The following RBM17 variants were observed in gnomAD, a reference collection of about 807,000 sequenced individuals.
RBM17 encodes splicing factor 45.
Under a neutral mutation model 53.2 loss-of-function variants are expected in RBM17, and 7 were observed. The observed-to-expected ratio is 0.13, with a 90% CI of 0.07 to 0.25. The LOEUF is 0.25. RBM17 is among the 10% of genes least tolerant of loss of function. RBM17 has a pLI of 1.00. For synonymous variants in RBM17, 167 were observed against 178.1 expected, an observed-to-expected ratio of 0.94 and a Z score of 0.50; for missense variants, 257 against 496.7, an observed-to-expected ratio of 0.52 and a Z score of 4.59.
chr10:6,108,649 G>A (rs920492938), intron 5 of RBM17, 37 bp from the exon 6 acceptor site: 7 of 1,585,014 alleles, frequency 4.4e-6, no homozygotes, highest in Non-Finnish European at 6.1e-6. Context: ...TCTGGCATCG[G>A]AAACCTCCTT....
chr10:6,109,922 C>A, intron 6 of RBM17, 64 bp from the exon 7 acceptor site: 2 of 1,310,462 alleles, frequency 1.5e-6, no homozygotes, highest in South Asian at 1.7e-5. Flanking sequence ...ATAATTGATA[C>A]AAGTGAGGTT....
At chr10:6,096,372 G>C (rs1406770620) in intron 1 of RBM17, among the ~76,000 whole-genome samples, 1 of 152,170 alleles carries the variant, frequency 6.6e-6, no homozygotes, top group East Asian at 1.9e-4. Flanking sequence ...CTTTGCGCCT[G>C]CTGACTCGGT....
intron 2 of RBM17, among the ~76,000 whole-genome samples, chr10:6,098,556 G>GTTTTTTTTTTTTTTTTTTTTTTTT (rs1221504658): frequency 1.0e-4 from 9 of 87,978 alleles, no homozygotes; most frequent in African/African-American, 2.4e-4. Flanking sequence ...TAATACACAG[G>GTTTTTTTTTTTTTTTTTTTTTTTT]TTTTTTGTTT....
In RBM17 at chr10:6,091,971, C is replaced by T. The variant is rs182558439; in HGVS notation, c.-19+2778C>T. Among the ~76,000 whole-genome samples the T allele has an allele frequency of 5.3e-5, 8 of 152,226 alleles. No individual in the cohort carries two copies. The East Asian group carries it at 1.5e-3, about 29-fold the overall frequency. On this transcript the variant is annotated intron_variant, in intron 1 of 11. Coordinates refer to ENST00000379888, the MANE Select transcript of RBM17 (RefSeq NM_032905.5). ...TCCATGTTCTTTTTCCTGCCAGTTGCACATGTTTTAAAAAAATACTTTCCA... is the reference window on the plus strand; with the variant it reads ...TCCATGTTCTTTTTCCTGCCAGTTGTACATGTTTTAAAAAAATACTTTCCA...
chr10:6,096,441 C>T (rs1840576073), intron 1 of RBM17, among the ~76,000 whole-genome samples: 1 of 152,158 alleles, frequency 6.6e-6, no homozygotes, highest in Admixed American at 6.5e-5. Flanking sequence ...CGTTCACATG[C>T]AGATTGTTGA....
intron 1 of RBM17, among the ~76,000 whole-genome samples, chr10:6,096,046 A>T (rs1398181374): frequency 6.6e-6 from 1 of 152,244 alleles, no homozygotes; most frequent in East Asian, 1.9e-4. Flanking sequence ...TTATTTGTCC[A>T]TAAACTGGGA....
intron 1 of RBM17, among the ~76,000 whole-genome samples, chr10:6,093,073 A>G (rs1262005691): frequency 6.6e-6 from 1 of 152,244 alleles, no homozygotes. Context: ...GAGATCTAGT[A>G]CACTGCTAGA....
At position 6,112,627 on chromosome 10, in the gene RBM17, A is replaced by C. The variant is rs1038525646; in HGVS notation, c.856+266A>C. On this transcript the variant is annotated intron_variant, in intron 8 of 11. Coordinates refer to ENST00000379888, the MANE Select transcript of RBM17 (RefSeq NM_032905.5). The surrounding 1 kb of genome is among the most constrained non-coding windows in gnomAD (Gnocchi z 4.4). ...GAGATGAAGGCTTGTGGAGGAAAAGATGGTGAGAGACTTGGGCAGAAAATG... is the reference window on the plus strand; with the variant it reads ...GAGATGAAGGCTTGTGGAGGAAAAGCTGGTGAGAGACTTGGGCAGAAAATG... 2 of 468,808 alleles carry C rather than the reference A, an allele frequency of 4.3e-6. No homozygotes were observed. Among genetic ancestry groups the C allele is most frequent in the Admixed American group, 6.8e-5 (2 of 29,612 alleles). The allele number at this position is 468,808 out of a possible 1,614,324, so 29.0% of individuals were successfully genotyped here.
At chr10:6,114,532 CAGT>C (rs140405289) in intron 10 of RBM17, 5,027 of 169,936 alleles carry the variant, frequency 0.03, 209 homozygotes, top group Admixed American at 0.11. Context: ...TCTGTACTCT[CAGT>C]GGTGTGTTCA....
rs1181047055 is a variant in RBM17 at position 6,106,185 on chromosome 10, C to A, written c.452C>A (p.Pro151Gln). Reference sequence around the variant, plus strand: ...GAAGCAAGTGGGTTTGCAAGGAGACCAGATCCAGATTCTGATGAAGATGAA... The same window carrying A: ...GAAGCAAGTGGGTTTGCAAGGAGACAAGATCCAGATTCTGATGAAGATGAA... ...RHEASGFARRPDPDSDEDEDY... is the reference protein window; with the variant it reads ...RHEASGFARRQDPDSDEDEDY... Residue 151 changes from proline (P) to glutamine (Q), a missense_variant, in exon 5 of 12, where the codon CCA becomes CAA. This residue lies in a region of RBM17 where 127 missense variants were observed against 217.2 expected (regional missense o/e 0.58). Coordinates refer to ENST00000379888, the MANE Select transcript of RBM17 (RefSeq NM_032905.5). The A allele has an allele frequency of 6.2e-7, 1 of 1,613,718 alleles. No individual in the cohort carries two copies. The highest frequency in any genetic ancestry group is 1.7e-5 in the Admixed American group (1 of 60,006).
Position 6,115,783 on chromosome 10 carries a change from T to C in RBM17, c.*227T>C. ...CTGTGTGCCTCTCTGGTTGTTTCTC[T>C]TTTTTATTATTACTCCTGAGTTGAT... On this transcript the variant is annotated 3_prime_UTR_variant, in exon 12 of 12. Coordinates refer to ENST00000379888, the MANE Select transcript of RBM17 (RefSeq NM_032905.5). 1 of 362,736 alleles carries C rather than the reference T, an allele frequency of 2.8e-6. No individual in the cohort carries two copies. The highest frequency in any genetic ancestry group is 4.9e-6 in the Non-Finnish European group (1 of 203,930). The allele number at this position is 362,736 out of a possible 1,614,324, so 22.5% of individuals were successfully genotyped here.
intron 8 of RBM17, chr10:6,113,102 G>C (rs1001256740): frequency 5.4e-6 from 1 of 184,722 alleles, no homozygotes; most frequent in Non-Finnish European, 1.1e-5. Context: ...GTCCCGACTT[G>C]TGAGGTTATC....
intron 2 of RBM17, among the ~76,000 whole-genome samples, chr10:6,100,480 C>T (rs1840654388): frequency 6.6e-6 from 1 of 152,054 alleles, no homozygotes; most frequent in African/African-American, 2.4e-5. Context: ...GAGGAACAAG[C>T]TCAACTAAAT....
chr10:6,115,167 T>C, intron 10 of RBM17, 72 bp from the exon 11 acceptor site: 3 of 1,164,176 alleles, frequency 2.6e-6, no homozygotes, highest in Non-Finnish European at 3.7e-6. Context: ...CTCTGAGAAA[T>C]CATTTAAAAG....
Position 6,110,009 on chromosome 10 carries a change from G to C in RBM17, c.586G>C (p.Glu196Gln). The C allele has an allele frequency of 6.2e-7, 1 of 1,609,120 alleles. No individual in the cohort carries two copies. The highest frequency in any genetic ancestry group is 8.5e-7 in the Non-Finnish European group (1 of 1,177,264). ...AGTACCCCGAGATTTTCCTTATGAAGAGGACTCAAGACCTCGATCACAGTC... is the reference window on the plus strand; with the variant it reads ...AGTACCCCGAGATTTTCCTTATGAACAGGACTCAAGACCTCGATCACAGTC... ...KELPRDFPYEEDSRPRSQSSK... is the reference protein window; with the variant it reads ...KELPRDFPYEQDSRPRSQSSK... The change falls in exon 7 of 12, where the codon GAG becomes CAG. Residue 196 changes from glutamate to glutamine, a missense_variant. By Grantham distance (29) the Glu-to-Gln change is conservative (BLOSUM62 2). Around this residue, in one of 6 missense-constraint regions of RBM17, gnomAD observed 68 missense variants for 60.0 expected, o/e 1.13. Coordinates refer to ENST00000379888, the MANE Select transcript of RBM17 (RefSeq NM_032905.5).
Position 6,111,894 on chromosome 10 carries a change from A to G in RBM17, c.705-316A>G, listed in dbSNP as rs541660572. Among the ~76,000 whole-genome samples the G allele has an allele frequency of 4.6e-5, 7 of 152,356 alleles. No individual in the cohort carries two copies. In the South Asian group the frequency reaches 1.5e-3, roughly 32 times the overall value. Reference sequence around the variant, plus strand: ...AAACTGTGGTCATAAGCTATGTGGCAGTGCAGGTCCGGAGCACACAAAAGG... The same window carrying G: ...AAACTGTGGTCATAAGCTATGTGGCGGTGCAGGTCCGGAGCACACAAAAGG... On this transcript the variant is annotated intron_variant, in intron 7 of 11. Transcript: ENST00000379888.
intron 4 of RBM17, among the ~76,000 whole-genome samples, 196 bp downstream of exon 4, chr10:6,105,293 T>G (rs1352488726): frequency 6.6e-6 from 1 of 152,268 alleles, no homozygotes; most frequent in African/African-American, 2.4e-5. Flanking sequence ...ACCTGTAGAC[T>G]GAAGACCTAA....
In RBM17 at chr10:6,117,103, T is replaced by A. The variant is rs1840932238; in HGVS notation, c.*1547T>A. ...TTCCAACCCACCTTTCATGCATGCA[T>A]TTATTGTTGTTATGCTTTGTAAAAC... On this transcript the variant is annotated 3_prime_UTR_variant, in exon 12 of 12. Transcript: ENST00000379888. 2 of 151,624 alleles carry A rather than the reference T, an allele frequency of 1.3e-5. No individual in the cohort carries two copies. The highest frequency in any genetic ancestry group is 2.4e-5 in the African/African-American group (1 of 41,246). The allele number at this position is 151,624 out of a possible 1,614,324, so 9.4% of individuals were successfully genotyped here.
rs1244994892 is a variant in RBM17, at chr10:6,116,268, A to G, written c.*712A>G. ...TCAAGCATAGTCTTAAGGGTAGATC[A>G]GAAATGACAAATGAATTCAAAACCT... On this transcript the variant is annotated 3_prime_UTR_variant, in exon 12 of 12. Transcript: ENST00000379888. 1.3e-5 allele frequency: 2 copies of G among 152,328 alleles called. No homozygotes were observed. The highest frequency in any genetic ancestry group is 4.8e-5 in the African/African-American group (2 of 41,434). The allele number at this position is 152,328 out of a possible 1,614,324, so 9.4% of individuals were successfully genotyped here. A position where few individuals can be genotyped will look rare whatever the true frequency, so the allele number is the denominator to read the frequency against.
Sources: allele counts gnomAD v4.1 joint callset (sites outside exome capture counted in the v4.1 genomes callset), GRCh38; gene constraint gnomAD v4.1.1; regional missense constraint gnomAD v4.1.1; non-coding constraint Gnocchi (gnomAD v3.1); transcripts MANE v1.5; gene names NCBI Gene and HGNC (gene_info 2026-07-23, HGNC 2026-07-21).